The following DNAH17 variants were observed in gnomAD, a reference collection of about 807,000 sequenced individuals.
DNAH17 encodes the protein axonemal beta dynein heavy chain 17.
DNAH17 carries 376 observed loss-of-function variants against 485.6 expected under a neutral mutation model. The ratio of observed to expected loss-of-function variants is 0.77; its 90% confidence interval spans 0.71 to 0.84. The LOEUF is 0.84. Among genes scored for constraint, DNAH17 ranks in the 40% least tolerant of loss-of-function variants. The pLI is 0.00. For synonymous variants in DNAH17, 3,031 were observed against 2,405.9 expected (o/e 1.26, Z -7.60); for missense variants, 6,370 against 5,839.3 (o/e 1.09, Z -2.96).
intron 51 of DNAH17, among the ~76,000 whole-genome samples, chr17:78,478,722 CCAT>C (rs761982893): frequency 2.7e-4 from 40 of 149,180 alleles, no homozygotes; most frequent in East Asian, 9.8e-4. Context: ...ACCACTATTG[CCAT>C]CATCACCACC....
Position 78,460,219 on chromosome 17 carries a change from C to T in DNAH17, c.9378G>A (p.Leu3126=), listed in dbSNP as rs143352762. Residue 3126 remains leucine (L), a synonymous_variant, in exon 59 of 81, where the codon CTG becomes CTA. Transcript: ENST00000389840. ...TEKQKACETD[L]AKAEPALLAA... The stretch of plus-strand genomic sequence containing the variant: ...CCAGCAGGGCCGGTTCTGCTTTGGC[C>T]AGGTCTGTTTCACAGGCCTTTTGCT... 1.2e-6 allele frequency: 2 copies of T among 1,607,288 alleles called. No homozygotes were observed.
chr17:78,507,911 A>C (rs2090532196), intron 27 of DNAH17, 106 bp from the exon 28 acceptor site: 1 of 1,119,168 alleles, frequency 8.9e-7, no homozygotes. Context: ...ATCAGAAAGC[A>C]AAAAGGCTCA....
At chr17:78,515,571 G>C (rs1000879176) in intron 25 of DNAH17, among the ~76,000 whole-genome samples, 2 of 152,354 alleles carry the variant, frequency 1.3e-5, no homozygotes, top group African/African-American at 4.8e-5. Flanking sequence ...GGCTGTGTTA[G>C]GGCCCTGCTG....
chr17:78,548,376 T>C (rs906129775), intron 16 of DNAH17, among the ~76,000 whole-genome samples: 1 of 152,054 alleles, frequency 6.6e-6, no homozygotes, highest in Non-Finnish European at 1.5e-5. Flanking sequence ...GGCTAATTTT[T>C]TGTATTTTTA....
intron 6 of DNAH17, 66 bp downstream of exon 6, chr17:78,570,882 A>AAAAAAAAAAAAAAAAAAAAAAAAAC (rs2092345634): frequency 1.4e-6 from 1 of 708,052 alleles, no homozygotes; most frequent in Non-Finnish European, 2.0e-6. Context: ...AAAAAAAGAA[A>AAAAAAAAAAAAAAAAAAAAAAAAAC]AAAGAAAAGA....
rs1325769143 is a variant in DNAH17 at position 78,571,359 on chromosome 17, T to C, written c.752A>G (p.Asn251Ser). 6.2e-7 allele frequency: 1 copy of C among 1,613,854 alleles called. No homozygotes were observed. Among genetic ancestry groups the C allele is most frequent in the Non-Finnish European group, 8.5e-7 (1 of 1,179,792 alleles). The change falls in exon 5 of 81, where the codon AAC becomes AGC. Residue 251 changes from asparagine to serine, a missense_variant. Physicochemically the swap from Asn to Ser is conservative, Grantham distance 46. Coordinates refer to ENST00000389840, the MANE Select transcript of DNAH17 (RefSeq NM_173628.4). The part of the protein sequence containing the change: ...IHEQLNRPKV[N>S]KIVEILEKAK... ...TTTCTCTAGGATCTCAACAATCTTG[T>C]TCACTTTGGGTCTGTTTAGCTGAGA...
intron 15 of DNAH17, 98 bp from the exon 16 acceptor site, chr17:78,551,736 G>A (rs1471993507): frequency 8.7e-7 from 1 of 1,148,494 alleles, no homozygotes; most frequent in Non-Finnish European, 1.3e-6. Flanking sequence ...GGTCAGGGCA[G>A]GCGAATCACG....
intron 16 of DNAH17, among the ~76,000 whole-genome samples, chr17:78,548,113 A>G (rs762393030): frequency 1.3e-5 from 2 of 150,512 alleles, no homozygotes; most frequent in Non-Finnish European, 3.0e-5. Flanking sequence ...TGCAGTTTTG[A>G]CTTTCTTAGC....
chr17:78,554,462 A>AAAAAAAAG (rs2091976604), intron 14 of DNAH17, among the ~76,000 whole-genome samples: 1 of 142,198 alleles, frequency 7.0e-6, no homozygotes, highest in Non-Finnish European at 1.6e-5. Context: ...AAAAAAAAAA[A>AAAAAAAAG]AAAAAAAAAG....
In DNAH17 at chr17:78,502,673, C is replaced by T; in HGVS notation, c.5108G>A (p.Trp1703Ter). 6.2e-7 allele frequency: 1 copy of T among 1,612,652 alleles called. No homozygotes were observed. Among genetic ancestry groups the T allele is most frequent in the Non-Finnish European group, 8.5e-7 (1 of 1,179,938 alleles). The change falls in exon 33 of 81, where the codon TGG becomes TAG. Residue 1703 changes from tryptophan (W) to a stop codon, truncating the protein, a stop_gained. Transcript: ENST00000389840. LOFTEE classifies it high-confidence loss of function. ...AQVALTCTQI[W>*]WTTEVGLAFA... Reference sequence around the variant, plus strand: ...TGCCAGGCCCACCTCGGTCGTCCACCAGATCTGGGTGCAAGTCAGGGCCAC... The same window carrying T: ...TGCCAGGCCCACCTCGGTCGTCCACTAGATCTGGGTGCAAGTCAGGGCCAC...
chr17:78,524,518 T>C (rs1187889852), intron 25 of DNAH17, among the ~76,000 whole-genome samples: 4 of 152,052 alleles, frequency 2.6e-5, no homozygotes. Context: ...GAGGATGCAG[T>C]GAGAGGGGAC....
At chr17:78,556,388 C>A (rs146756688) in intron 14 of DNAH17, among the ~76,000 whole-genome samples, 1 of 152,180 alleles carries the variant, frequency 6.6e-6, no homozygotes, top group South Asian at 2.1e-4. Flanking sequence ...GGCAGCCCAG[C>A]GGATGCCTTG....
chr17:78,453,855 GT>G (rs144265748), intron 64 of DNAH17, among the ~76,000 whole-genome samples: 2 of 151,660 alleles, frequency 1.3e-5, no homozygotes, highest in Admixed American at 1.3e-4. Context: ...ACCCAACTAG[GT>G]TTTTTTTGTT....
At chr17:78,504,868 G>A (rs541941723) in intron 31 of DNAH17, among the ~76,000 whole-genome samples, 1 of 147,122 alleles carries the variant, frequency 6.8e-6, no homozygotes, top group African/African-American at 2.5e-5. Context: ...AAAAGCCATG[G>A]AAAGGATTCA....
rs367638524 is a variant in DNAH17, at chr17:78,485,647, C to T, written c.7386G>A (p.Ser2462=). The change falls in exon 47 of 81, where the codon TCG becomes TCA. Residue 2462 remains serine, a synonymous_variant. Transcript: ENST00000389840. The stretch of plus-strand genomic sequence containing the variant: ...TTTCCAGCTTGTCCCCCATCAGCAC[C>T]GACTTGCCCGTCCCCGCGTTCCCCA... ...MLVGNAGTGK[S]VLMGDKLESL... 4.2e-5 allele frequency: 68 copies of T among 1,613,912 alleles called. No individual in the cohort carries two copies. The African/African-American group carries it at 7.3e-4, about 17-fold the overall frequency.
intron 22 of DNAH17, among the ~76,000 whole-genome samples, chr17:78,528,508 C>T (rs1056211660): frequency 3.6e-4 from 55 of 152,232 alleles, no homozygotes; most frequent in Admixed American, 2.0e-3. Context: ...GCTGTGGGGT[C>T]TTGGGCACTG....
At chr17:78,541,283 C>A (rs1390720431) in intron 17 of DNAH17, among the ~76,000 whole-genome samples, 1 of 29,066 alleles carries the variant, frequency 3.4e-5, no homozygotes, top group Non-Finnish European at 6.0e-5. Flanking sequence ...GGTAAGCAAG[C>A]AGATGGGTGG....
intron 57 of DNAH17, 67 bp downstream of exon 57, chr17:78,462,776 AC>A (rs2088202177): frequency 1.3e-6 from 2 of 1,513,604 alleles, no homozygotes; most frequent in South Asian, 2.4e-5. Flanking sequence ...GATGCCTGTG[AC>A]AGTAGCAGCT....
At chr17:78,540,736 TGGGTGAGTGGGTGGGTGGGTG>T (rs2091517837) in intron 17 of DNAH17, among the ~76,000 whole-genome samples, 1 of 1,332 alleles carries the variant, frequency 7.5e-4, no homozygotes, top group Non-Finnish European at 1.5e-3. Context: ...TGTGAGTAGA[TGGGTGAGTGGGTGGGTGGGTG>T]GGGTGAGTGG....
Sources: gnomAD v4.1 joint callset for allele counts (sites outside exome capture counted in the v4.1 genomes callset) on GRCh38, gnomAD v4.1.1 for gene constraint, MANE v1.5 for transcripts, NCBI Gene and HGNC (gene_info 2026-07-23, HGNC 2026-07-21) for gene names.